The following PTPRD variants were observed in gnomAD, a reference collection of about 807,000 sequenced individuals.
The protein encoded by PTPRD is receptor-type tyrosine-protein phosphatase delta.
PTPRD carries 34 observed loss-of-function variants against 214.5 expected under a neutral mutation model. That is an observed-to-expected ratio of 0.16 (90% CI 0.12 to 0.21). The LOEUF (loss-of-function observed/expected upper bound fraction) is 0.21. Among genes scored for constraint, PTPRD ranks in the 10% least tolerant of loss-of-function variants. PTPRD has a pLI of 1.00. For missense variants in PTPRD, 2,545 were observed against 2,398.7 expected, an observed-to-expected ratio of 1.06 and a Z score of -1.27; for synonymous variants, 1,128 against 845.7, an observed-to-expected ratio of 1.33 and a Z score of -5.79.
intron 11 of PTPRD, among the ~76,000 whole-genome samples, chr9:8,764,106 ACACTCT>A (rs2094564436): frequency 6.6e-6 from 1 of 152,184 alleles, no homozygotes; most frequent in South Asian, 2.1e-4. Flanking sequence ...TAAATTAAGG[ACACTCT>A]CACTCTAATT....
chr9:10,207,621 GTA>G (rs1371516207), intron 3 of PTPRD, among the ~76,000 whole-genome samples: 5 of 151,782 alleles, frequency 3.3e-5, no homozygotes, highest in African/African-American at 1.2e-4. Flanking sequence ...GACTCAGAAT[GTA>G]TGTTTGTAGT....
At chr9:8,415,859 G>A (rs2093896152) in intron 35 of PTPRD, among the ~76,000 whole-genome samples, 1 of 151,886 alleles carries the variant, frequency 6.6e-6, no homozygotes, top group Admixed American at 6.6e-5. Context: ...TGCAAGTGAG[G>A]TTTCCAGAAA....
chr9:9,445,940 T>G (rs1043128312), intron 8 of PTPRD, among the ~76,000 whole-genome samples: 1 of 152,212 alleles, frequency 6.6e-6, no homozygotes, highest in Non-Finnish European at 1.5e-5. Context: ...GTGCAGAACA[T>G]TGTTTAGACA....
At chr9:10,519,275 A>AAAAAAAAAAAAAAAC (rs2051309820) in intron 2 of PTPRD, among the ~76,000 whole-genome samples, 1 of 150,486 alleles carries the variant, frequency 6.6e-6, no homozygotes, top group African/African-American at 2.4e-5. Context: ...AAAAAAAAAA[A>AAAAAAAAAAAAAAAC]AAAAAAAGCA....
At chr9:10,475,200 A>T (rs7039689) in intron 2 of PTPRD, among the ~76,000 whole-genome samples, 24 of 151,926 alleles carry the variant, frequency 1.6e-4, no homozygotes, top group African/African-American at 4.3e-4. Flanking sequence ...CCAGGAGCGG[A>T]TTTTTTTGAA....
intron 11 of PTPRD, among the ~76,000 whole-genome samples, chr9:8,968,800 G>C (rs2099217147): frequency 6.6e-6 from 1 of 152,024 alleles, no homozygotes; most frequent in Non-Finnish European, 1.5e-5. Context: ...ATAGATATGA[G>C]AAAGTACCTT....
chr9:10,196,772 T>C (rs1284830553), intron 3 of PTPRD, among the ~76,000 whole-genome samples: 1 of 152,134 alleles, frequency 6.6e-6, no homozygotes, highest in Non-Finnish European at 1.5e-5. Context: ...CCCCAGAATT[T>C]ACATGTCAGC....
intron 2 of PTPRD, among the ~76,000 whole-genome samples, chr9:10,553,007 A>T (rs2061676899): frequency 6.6e-6 from 1 of 152,194 alleles, no homozygotes; most frequent in Non-Finnish European, 1.5e-5. Context: ...TTTACAGTTC[A>T]AAGTGGGACA....
At chr9:10,477,980 G>A (rs915900148) in intron 2 of PTPRD, among the ~76,000 whole-genome samples, 2 of 151,478 alleles carry the variant, frequency 1.3e-5, no homozygotes, top group African/African-American at 2.4e-5. Context: ...AACTGTCAGG[G>A]GATGGGGGAC....
chr9:9,905,304 G>A (rs976524465), intron 5 of PTPRD, among the ~76,000 whole-genome samples: 1 of 151,686 alleles, frequency 6.6e-6, no homozygotes, highest in African/African-American at 2.4e-5. Flanking sequence ...TTTTTAATCA[G>A]AATTATATTT....
chr9:10,382,753 A>G (rs1586795695), intron 2 of PTPRD, among the ~76,000 whole-genome samples: 1 of 151,904 alleles, frequency 6.6e-6, no homozygotes, highest in East Asian at 1.9e-4. Flanking sequence ...TTATCCACTA[A>G]TTTGCATGAG....
At chr9:9,537,356 T>C (rs1347781323) in intron 8 of PTPRD, among the ~76,000 whole-genome samples, 6 of 152,040 alleles carry the variant, frequency 3.9e-5, no homozygotes, top group Non-Finnish European at 8.8e-5. Context: ...CCAGTTGCTA[T>C]AATTTTAAAG....
chr9:9,941,192 C>G (rs1239203968), intron 4 of PTPRD, among the ~76,000 whole-genome samples: 1 of 152,154 alleles, frequency 6.6e-6, no homozygotes, highest in Non-Finnish European at 1.5e-5. Context: ...GATGGACAAG[C>G]TTGATTTAGA....
chr9:8,993,199 AC>A (rs1270839156), intron 11 of PTPRD, among the ~76,000 whole-genome samples: 1 of 152,096 alleles, frequency 6.6e-6, no homozygotes, highest in Admixed American at 6.6e-5. Context: ...GGCCCAGAGA[AC>A]CTGGCTCTAA....
chr9:10,448,724 A>G (rs951621114), intron 2 of PTPRD, among the ~76,000 whole-genome samples: 1 of 151,978 alleles, frequency 6.6e-6, no homozygotes, highest in Non-Finnish European at 1.5e-5. Flanking sequence ...AGCCAGCCTA[A>G]TAACTGGCAA....
At chr9:9,138,284 T>C (rs894930154) in intron 10 of PTPRD, among the ~76,000 whole-genome samples, 1 of 152,100 alleles carries the variant, frequency 6.6e-6, no homozygotes, top group Non-Finnish European at 1.5e-5. Context: ...AGGGATATAA[T>C]ATTGAGATGT....
chr9:9,398,427 G>A (rs2068758681), intron 8 of PTPRD, among the ~76,000 whole-genome samples: 1 of 152,010 alleles, frequency 6.6e-6, no homozygotes, highest in Non-Finnish European at 1.5e-5. Flanking sequence ...GAAGATTCTA[G>A]TTGAGCTAAA....
chr9:10,454,143 T>G lies in PTPRD; in HGVS notation c.-599-113126A>C, dbSNP rs111997334. Among the ~76,000 whole-genome samples the G allele has an allele frequency of 4.1e-4, 62 of 151,780 alleles. 1 individual carries two copies. The South Asian group carries it at 5.0e-3, about 12-fold the overall frequency. ...GCAAACTATACCTACTAAACTGTAA[T>G]CAACAGATTATAGTTGATAAACAGA... On this transcript the variant is annotated intron_variant, in intron 2 of 45. Transcript: ENST00000381196.
intron 10 of PTPRD, among the ~76,000 whole-genome samples, chr9:9,087,820 C>T (rs1056295329): frequency 5.4e-5 from 8 of 149,370 alleles, no homozygotes; most frequent in Non-Finnish European, 1.0e-4. Context: ...TCACTCAACA[C>T]AATCGCTTGA....
Sources: allele counts gnomAD v4.1 joint callset (sites outside exome capture counted in the v4.1 genomes callset), GRCh38; gene constraint gnomAD v4.1.1; transcripts MANE v1.5; gene names NCBI Gene and HGNC (gene_info 2026-07-23, HGNC 2026-07-21).